The following PTPRD variants were observed in gnomAD, a reference collection of about 807,000 sequenced individuals.
PTPRD encodes the protein protein tyrosine phosphatase receptor type D.
Under a neutral mutation model 214.5 loss-of-function variants are expected in PTPRD, and 34 were observed. That is an observed-to-expected ratio of 0.16 (90% confidence interval 0.12 to 0.21). PTPRD has a LOEUF of 0.21. PTPRD is among the 10% of genes least tolerant of loss of function. The pLI is 1.00. For synonymous variants in PTPRD, 1,128 were observed against 845.7 expected (o/e 1.33, Z -5.79); for missense variants, 2,545 against 2,398.7 (o/e 1.06, Z -1.27).
At chr9:9,095,686 C>G (rs1591535251) in intron 10 of PTPRD, among the ~76,000 whole-genome samples, 1 of 152,134 alleles carries the variant, frequency 6.6e-6, no homozygotes, top group African/African-American at 2.4e-5. Flanking sequence ...TTATGGAAAA[C>G]AGTATGGAGG....
intron 3 of PTPRD, among the ~76,000 whole-genome samples, chr9:10,103,394 T>TA (rs59667727): frequency 0.22 from 26,926 of 122,778 alleles, 5,051 homozygotes; most frequent in African/African-American, 0.35. Flanking sequence ...TATATATATA[T>TA]TTATTTAAGA....
intron 11 of PTPRD, among the ~76,000 whole-genome samples, chr9:8,989,499 C>A (rs1310561262): frequency 6.6e-6 from 1 of 152,022 alleles, no homozygotes; most frequent in Non-Finnish European, 1.5e-5. Flanking sequence ...ACTATAATGA[C>A]CTCCAGTTCC....
chr9:10,001,032 T>C (rs74629381), intron 4 of PTPRD, among the ~76,000 whole-genome samples: 10,417 of 152,240 alleles, frequency 0.068, 480 homozygotes, highest in Non-Finnish European at 0.1. Context: ...ACAGGGTTTC[T>C]CTCTTGGGAA....
At chr9:10,087,665 A>T (rs573381698) in intron 3 of PTPRD, among the ~76,000 whole-genome samples, 90 of 151,814 alleles carry the variant, frequency 5.9e-4, no homozygotes, top group African/African-American at 1.7e-3. Context: ...TTAAGCATTC[A>T]TCTTGCTTTG....
At chr9:8,726,376 C>T (rs928194201) in intron 12 of PTPRD, among the ~76,000 whole-genome samples, 9 of 150,780 alleles carry the variant, frequency 6.0e-5, no homozygotes, top group Non-Finnish European at 1.0e-4. Flanking sequence ...ATCACTTGAG[C>T]TCAGGAGTTC....
intron 7 of PTPRD, among the ~76,000 whole-genome samples, chr9:9,684,836 G>A (rs2097139986): frequency 1.3e-5 from 2 of 151,568 alleles, no homozygotes; most frequent in South Asian, 4.2e-4. Flanking sequence ...GGAATTTAAA[G>A]TCACACTACT....
At chr9:9,748,328 A>T (rs1480423034) in intron 6 of PTPRD, among the ~76,000 whole-genome samples, 1 of 152,220 alleles carries the variant, frequency 6.6e-6, no homozygotes, top group East Asian at 1.9e-4. Flanking sequence ...AATTGTTCTT[A>T]ATAACAAAAA....
intron 10 of PTPRD, among the ~76,000 whole-genome samples, chr9:9,032,519 G>T (rs1422681369): frequency 6.6e-6 from 1 of 151,982 alleles, no homozygotes; most frequent in Non-Finnish European, 1.5e-5. Context: ...AAAAATTAAT[G>T]CCTCTCCCTC....
At chr9:9,224,540 T>C (rs923832497) in intron 9 of PTPRD, among the ~76,000 whole-genome samples, 1 of 151,964 alleles carries the variant, frequency 6.6e-6, no homozygotes, top group Admixed American at 6.6e-5. Context: ...GTTTAGATAA[T>C]CCAATAGTCT....
chr9:8,671,830 A>ACC (rs1189200187), intron 12 of PTPRD, among the ~76,000 whole-genome samples: 1 of 152,154 alleles, frequency 6.6e-6, no homozygotes, highest in African/African-American at 2.4e-5. Flanking sequence ...TCTAGAAAGG[A>ACC]CCCTATTTTT....
At chr9:9,615,400 C>A (rs1241675435) in intron 7 of PTPRD, among the ~76,000 whole-genome samples, 1 of 152,162 alleles carries the variant, frequency 6.6e-6, no homozygotes, top group Non-Finnish European at 1.5e-5. Context: ...CAGACAGCTC[C>A]AGCCCGGCCA....
chr9:10,427,252 G>C (rs1380619722), intron 2 of PTPRD, among the ~76,000 whole-genome samples: 1 of 152,012 alleles, frequency 6.6e-6, no homozygotes, highest in African/African-American at 2.4e-5. Flanking sequence ...ATAACTTCCT[G>C]ATAAAAGATG....
intron 35 of PTPRD, 144 bp downstream of exon 35, chr9:8,436,448 T>C: frequency 1.7e-6 from 1 of 593,938 alleles, no homozygotes; most frequent in Non-Finnish European, 2.8e-6. Flanking sequence ...ACTTTTAAGT[T>C]GACGGTTCAT....
chr9:10,126,524 G>A (rs189882737), intron 3 of PTPRD, among the ~76,000 whole-genome samples: 106 of 150,734 alleles, frequency 7.0e-4, no homozygotes, highest in Non-Finnish European at 1.1e-3. Flanking sequence ...AATTCGTTAC[G>A]AATTTTGTAT....
At chr9:10,457,248 G>A (rs184401008) in intron 2 of PTPRD, among the ~76,000 whole-genome samples, 15 of 151,922 alleles carry the variant, frequency 9.9e-5, no homozygotes, top group African/African-American at 3.4e-4. Context: ...TTTTATATGT[G>A]TATATACCTA....
At chr9:10,322,950 A>G (rs79939427) in intron 3 of PTPRD, among the ~76,000 whole-genome samples, 3,377 of 152,094 alleles carry the variant, frequency 0.022, 135 homozygotes, top group African/African-American at 0.077. Context: ...GTTCAGGAAT[A>G]AAAGTAACTA....
chr9:9,046,964 GA>G (rs1361890155), intron 10 of PTPRD, among the ~76,000 whole-genome samples: 10 of 152,042 alleles, frequency 6.6e-5, no homozygotes, highest in African/African-American at 1.2e-4. Context: ...AATTGGAATG[GA>G]AAAAGTCAAA....
chr9:8,628,721 T>C (rs565074826), intron 14 of PTPRD, among the ~76,000 whole-genome samples: 137 of 151,964 alleles, frequency 9.0e-4, no homozygotes, highest in African/African-American at 2.4e-3. Flanking sequence ...TCCCAAGACC[T>C]AGACTTGGGT....
intron 39 of PTPRD, among the ~76,000 whole-genome samples, chr9:8,367,508 C>A (rs1232804859): frequency 6.6e-6 from 1 of 152,144 alleles, no homozygotes; most frequent in African/African-American, 2.4e-5. Flanking sequence ...AATGTCCAAA[C>A]TGCTGAGGTT....
Sources: gnomAD v4.1 joint callset for allele counts (sites outside exome capture counted in the v4.1 genomes callset) on GRCh38, gnomAD v4.1.1 for gene constraint, MANE v1.5 for transcripts, NCBI Gene and HGNC (gene_info 2026-07-23, HGNC 2026-07-21) for gene names.